The following FAM120A variants were observed in gnomAD, a reference collection of about 807,000 sequenced individuals.
FAM120A encodes the protein constitutive coactivator of PPAR-gamma-like protein 1.
Under a neutral mutation model 109.7 loss-of-function variants are expected in FAM120A, and 15 were observed. The ratio of observed to expected loss-of-function variants is 0.14; its 90% CI spans 0.09 to 0.21. FAM120A has a LOEUF of 0.21. Among genes scored for constraint, FAM120A ranks in the 10% least tolerant of loss-of-function variants. The pLI is 1.00. For missense variants in FAM120A, 899 were observed against 1,439.3 expected, an observed-to-expected ratio of 0.62 and a Z score of 6.07; for synonymous variants, 493 against 572.8, an observed-to-expected ratio of 0.86 and a Z score of 1.99.
chr9:93,504,387 A>G (rs1483839080), intron 5 of FAM120A, among the ~76,000 whole-genome samples: 1 of 152,190 alleles, frequency 6.6e-6, no homozygotes, highest in African/African-American at 2.4e-5. Flanking sequence ...ACAATGTGTT[A>G]GTCTTAGAAC....
chr9:93,497,474 C>T lies in FAM120A; in HGVS notation c.808C>T (p.Arg270Trp), dbSNP rs1366960810. The change falls in exon 4 of 18, where the codon CGG becomes TGG. Residue 270 changes from arginine (R) to tryptophan (W), a missense_variant. Arg to Trp is a moderately radical substitution (Grantham distance 101, BLOSUM62 -3). This residue lies in a region of FAM120A where 258 missense variants were observed against 451.4 expected (regional missense o/e 0.57). Transcript: ENST00000277165. ...PEHPLASLKV[R>W]AHQLVLPPCD... ...ACACTTACGTTTGTTTTCTCAGGTC[C>T]GGGCCCACCAGCTGGTCTTGCCACC... 6 of 1,613,134 alleles carry T rather than the reference C, an allele frequency of 3.7e-6. No individual in the cohort carries two copies. Among genetic ancestry groups the T allele is most frequent in the Middle Eastern group, 1.6e-4 (1 of 6,076 alleles).
At position 93,497,457 on chromosome 9, in the gene FAM120A, G is replaced by A. The variant is rs763273296; in HGVS notation, c.805-14G>A. The A allele has an allele frequency of 6.2e-6, 10 of 1,611,742 alleles. No homozygotes were observed. The Admixed American group carries it at 6.7e-5, about 11-fold the overall frequency. ...CTCACCATCCACTGTTGACACTTAC[G>A]TTTGTTTTCTCAGGTCCGGGCCCAC... On this transcript the variant is annotated splice_polypyrimidine_tract_variant and intron_variant, in intron 3 of 17. Transcript: ENST00000277165.
rs915178097 is a variant in FAM120A at position 93,534,106 on chromosome 9, C to T, written c.1909+1777C>T. On this transcript the variant is annotated intron_variant, in intron 10 of 17. Coordinates refer to ENST00000277165, the MANE Select transcript of FAM120A (RefSeq NM_014612.5). ...GCCTGCTGCATGTCTGCAGCACGCA[C>T]GGCTGATGGTGCTTCTCATGCTAGC... Among the ~76,000 whole-genome samples, 12 of 152,112 alleles carry T rather than the reference C, an allele frequency of 7.9e-5. No homozygotes were observed. In the East Asian group the frequency reaches 1.5e-3, roughly 20 times the overall value.
chr9:93,460,352 T>C (rs890549932), intron 1 of FAM120A, among the ~76,000 whole-genome samples: 1 of 150,550 alleles, frequency 6.6e-6, no homozygotes, highest in Non-Finnish European at 1.5e-5. Flanking sequence ...TCCTTTTCGC[T>C]TTTTTTTGAG....
chr9:93,518,966 A>C (rs1392329177), intron 7 of FAM120A, among the ~76,000 whole-genome samples: 4 of 151,902 alleles, frequency 2.6e-5, no homozygotes, highest in Non-Finnish European at 5.9e-5. Context: ...TTGTTAGTCT[A>C]TTTTATATGG....
At position 93,488,468 on chromosome 9, in the gene FAM120A, G is replaced by A. The variant is rs537534526; in HGVS notation, c.805-9003G>A. The stretch of plus-strand genomic sequence containing the variant: ...CCTCCTCGCCTCTGTTGCCTCCTAC[G>A]GGTTCCATCTGTACTGTGATTCTCA... On this transcript the variant is annotated intron_variant, in intron 3 of 17. Transcript: ENST00000277165. Among the ~76,000 whole-genome samples, 14 of 151,862 alleles carry A rather than the reference G, an allele frequency of 9.2e-5. 1 individual carries two copies. The highest frequency in any genetic ancestry group is 5.8e-4 in the East Asian group (3 of 5,174).
intron 15 of FAM120A, 54 bp downstream of exon 15, chr9:93,558,772 C>G: frequency 6.3e-7 from 1 of 1,595,026 alleles, no homozygotes; most frequent in Non-Finnish European, 8.5e-7. Context: ...TTCCTTCGCT[C>G]CATCGTCTGG....
chr9:93,555,734 CTAG>C (rs1250799273), intron 12 of FAM120A, among the ~76,000 whole-genome samples: 1 of 152,200 alleles, frequency 6.6e-6, no homozygotes, highest in Non-Finnish European at 1.5e-5. Context: ...TGCACAAATT[CTAG>C]TAGTATGTAT....
intron 5 of FAM120A, among the ~76,000 whole-genome samples, chr9:93,514,233 A>C (rs1203569726): frequency 1.3e-5 from 2 of 152,214 alleles, no homozygotes; most frequent in Non-Finnish European, 2.9e-5. Context: ...TATCATTAGA[A>C]GAACATGGGA....
chr9:93,489,330 G>C (rs1859210008), intron 3 of FAM120A, among the ~76,000 whole-genome samples: 1 of 152,158 alleles, frequency 6.6e-6, no homozygotes, highest in African/African-American at 2.4e-5. Context: ...TTAGGGCACA[G>C]CCTGGGTACA....
chr9:93,517,349 A>G (rs1860645532), intron 7 of FAM120A, among the ~76,000 whole-genome samples: 2 of 152,226 alleles, frequency 1.3e-5, no homozygotes, highest in African/African-American at 2.4e-5. Flanking sequence ...TGAATATTCA[A>G]ATTTTTAAAT....
intron 5 of FAM120A, among the ~76,000 whole-genome samples, chr9:93,501,322 G>T (rs1016577933): frequency 6.6e-6 from 1 of 152,208 alleles, no homozygotes; most frequent in Admixed American, 6.5e-5. Context: ...AAGATGTTTT[G>T]AATAGGCAAG....
chr9:93,467,057 C>T lies in FAM120A; in HGVS notation c.475-4084C>T, dbSNP rs1858055802. Among the ~76,000 whole-genome samples the T allele has an allele frequency of 2.0e-5, 3 of 152,000 alleles. No homozygotes were observed. In the South Asian group the frequency reaches 6.2e-4, roughly 32 times the overall value. On this transcript the variant is annotated intron_variant, in intron 1 of 17. Transcript: ENST00000277165. ...ATAGATTTGTCAGTCTGCATTCTATCCTGGCATCCCCTGACACCCAGGTTG... is the reference window on the plus strand; with the variant it reads ...ATAGATTTGTCAGTCTGCATTCTATTCTGGCATCCCCTGACACCCAGGTTG...
intron 3 of FAM120A, among the ~76,000 whole-genome samples, chr9:93,478,053 T>C (rs1212876081): frequency 6.6e-6 from 1 of 152,256 alleles, no homozygotes; most frequent in Non-Finnish European, 1.5e-5. Flanking sequence ...ACTTTACCCA[T>C]GAAAATGTCA....
intron 5 of FAM120A, among the ~76,000 whole-genome samples, chr9:93,504,725 C>T (rs2131370359): frequency 6.6e-6 from 1 of 152,282 alleles, no homozygotes; most frequent in Non-Finnish European, 1.5e-5. Flanking sequence ...CAGCTGCTTG[C>T]CATGATGGAT....
At chr9:93,478,129 A>G (rs1858627526) in intron 3 of FAM120A, among the ~76,000 whole-genome samples, 1 of 152,136 alleles carries the variant, frequency 6.6e-6, no homozygotes. Flanking sequence ...ATACTTTATC[A>G]TATTACTCCT....
At chr9:93,522,435 T>C (rs1366248359) in intron 7 of FAM120A, among the ~76,000 whole-genome samples, 3 of 152,214 alleles carry the variant, frequency 2.0e-5, no homozygotes, top group African/African-American at 7.2e-5. Context: ...TTGCCCTTTT[T>C]CCTTTTCTTC....
Position 93,462,415 on chromosome 9 carries a change from T to C in FAM120A, c.475-8726T>C, listed in dbSNP as rs1446196219. Among the ~76,000 whole-genome samples, 3 of 152,110 alleles carry C rather than the reference T, an allele frequency of 2.0e-5. No individual in the cohort carries two copies. The South Asian group carries it at 6.2e-4, about 32-fold the overall frequency. Reference sequence around the variant, plus strand: ...GCCTCAGCCTCCTGAGTAGCTGGGATTACAGGCGTGCGCCTGCCACCACAC... The same window carrying C: ...GCCTCAGCCTCCTGAGTAGCTGGGACTACAGGCGTGCGCCTGCCACCACAC... On this transcript the variant is annotated intron_variant, in intron 1 of 17. Transcript: ENST00000277165.
intron 15 of FAM120A, among the ~76,000 whole-genome samples, chr9:93,560,029 C>A (rs952951662): frequency 1.3e-5 from 2 of 152,206 alleles, no homozygotes; most frequent in Non-Finnish European, 2.9e-5. Flanking sequence ...CACAGTGGCT[C>A]ATGCCTATAA....
Sources: gnomAD v4.1 joint callset for allele counts (sites outside exome capture counted in the v4.1 genomes callset) on GRCh38, gnomAD v4.1.1 for gene constraint, gnomAD v4.1.1 regional missense constraint, MANE v1.5 for transcripts, NCBI Gene and HGNC (gene_info 2026-07-23, HGNC 2026-07-21) for gene names.